G3BP1: variants seen among roughly 807,000 people sequenced by gnomAD.
G3BP1 encodes the protein ras GTPase-activating protein-binding protein 1.
G3BP1 carries 35 observed loss-of-function variants against 58.6 expected under a neutral mutation model. The observed-to-expected ratio is 0.60, with a 90% CI of 0.46 to 0.79. The LOEUF is 0.79. G3BP1 is among the 30% of genes least tolerant of loss of function. G3BP1 has a pLI of 0.00. For synonymous variants in G3BP1, 191 were observed against 195.4 expected, an observed-to-expected ratio of 0.98 and a Z score of 0.19; for missense variants, 523 against 580.8, an observed-to-expected ratio of 0.90 and a Z score of 1.02.
At chr5:151,794,972 A>G (rs1762725033) in intron 5 of G3BP1, among the ~76,000 whole-genome samples, 2 of 152,204 alleles carry the variant, frequency 1.3e-5, no homozygotes, top group African/African-American at 4.8e-5. Flanking sequence ...AAGACACTAC[A>G]GTAGCCTTAA....
chr5:151,793,831 C>CAAAAAAAAA (rs751382380), intron 4 of G3BP1, among the ~76,000 whole-genome samples: 8 of 97,764 alleles, frequency 8.2e-5, no homozygotes, highest in Non-Finnish European at 1.4e-4. Context: ...CGTCTCTACT[C>CAAAAAAAAA]AAAAAAAAAA....
At chr5:151,779,320 A>G (rs961188974) in intron 1 of G3BP1, among the ~76,000 whole-genome samples, 1 of 151,832 alleles carries the variant, frequency 6.6e-6, no homozygotes, top group African/African-American at 2.4e-5. Flanking sequence ...TTTGAGTTAA[A>G]TTTTGTATGT....
At chr5:151,775,577 A>T (rs1225766222) in intron 1 of G3BP1, among the ~76,000 whole-genome samples, 1 of 152,242 alleles carries the variant, frequency 6.6e-6, no homozygotes, top group Non-Finnish European at 1.5e-5. Flanking sequence ...GGCTTCTCCC[A>T]TATGCTGTTT....
chr5:151,786,277 ACT>A (rs369455174), intron 1 of G3BP1, among the ~76,000 whole-genome samples: 18 of 152,236 alleles, frequency 1.2e-4, no homozygotes, highest in African/African-American at 3.6e-4. Flanking sequence ...CAACAGAGAG[ACT>A]CTGTCTCAAA....
chr5:151,795,338 G>C, intron 5 of G3BP1, 141 bp from the exon 6 acceptor site: 1 of 577,982 alleles, frequency 1.7e-6, no homozygotes. Context: ...CTTAAAGTCA[G>C]TGCCATGATT....
intron 1 of G3BP1, among the ~76,000 whole-genome samples, chr5:151,776,449 G>A (rs1031628333): frequency 9.9e-5 from 15 of 152,118 alleles, no homozygotes; most frequent in Non-Finnish European, 1.8e-4. Context: ...GTATATTAAA[G>A]CTACTGTTAT....
chr5:151,794,277 T>C (rs750090398), intron 5 of G3BP1, 28 bp downstream of exon 5: 1 of 1,376,716 alleles, frequency 7.3e-7, no homozygotes, highest in Non-Finnish European at 1.0e-6. Flanking sequence ...TTAAATTACT[T>C]GTCTAAATTT....
intron 7 of G3BP1, 117 bp downstream of exon 7, chr5:151,797,545 A>G: frequency 1.8e-6 from 2 of 1,115,452 alleles, no homozygotes; most frequent in Non-Finnish European, 2.5e-6. Context: ...TTGGTGGTTC[A>G]TTTCAGGGAA....
At chr5:151,780,599 G>A (rs1047280393) in intron 1 of G3BP1, among the ~76,000 whole-genome samples, 62 of 152,206 alleles carry the variant, frequency 4.1e-4, no homozygotes, top group Admixed American at 6.5e-4. Flanking sequence ...CAAGAGCTCC[G>A]CCTCCCGGGT....
At chr5:151,783,705 A>C (rs546711077) in intron 1 of G3BP1, among the ~76,000 whole-genome samples, 217 of 152,050 alleles carry the variant, frequency 1.4e-3, no homozygotes, top group African/African-American at 5.1e-3. Flanking sequence ...ACTGAGAATA[A>C]CAAAATTACT....
chr5:151,797,622 A>C (rs1321251868), intron 7 of G3BP1, among the ~76,000 whole-genome samples, 194 bp downstream of exon 7: 1 of 152,206 alleles, frequency 6.6e-6, no homozygotes, highest in Non-Finnish European at 1.5e-5. Context: ...TTATTTCATC[A>C]AAAGAAACCA....
At position 151,799,929 on chromosome 5, in the gene G3BP1, A is replaced by G; in HGVS notation, c.884A>G (p.Gln295Arg). The G allele has an allele frequency of 6.2e-7, 1 of 1,613,648 alleles. No homozygotes were observed. Among genetic ancestry groups the G allele is most frequent in the Admixed American group, 1.7e-5 (1 of 60,028 alleles). ...ESKPESQIPP[Q>R]RPQRDQRVRE... ...AAGCCTGAATCTCAGATTCCACCAC[A>G]AAGACCTCAGCGGGATCAAAGAGTG... The change falls in exon 9 of 12, where the codon CAA becomes CGA. Residue 295 changes from glutamine (Q) to arginine (R), a missense_variant. Physicochemically the swap from Gln to Arg is conservative, Grantham distance 43 (BLOSUM62 1). Around this residue, in one of 2 missense-constraint regions of G3BP1, gnomAD observed 398 missense variants for 399.1 expected, o/e 1.00. Transcript: ENST00000356245.
rs10036976 is a variant in G3BP1, at chr5:151,794,089, C to G, written c.352-70C>G. The G allele has an allele frequency of 1.5e-3, 1,344 of 889,394 alleles. 12 individuals are homozygous for G. The African/African-American group carries it at 0.02, about 13-fold the overall frequency. 55.1% of individuals were successfully genotyped at this position (889,394 alleles called of 1,614,324 possible). A position where few individuals can be genotyped will look rare whatever the true frequency, so the allele number is the denominator to read the frequency against. On this transcript the variant is annotated intron_variant, in intron 4 of 11. Transcript: ENST00000356245. Reference sequence around the variant, plus strand: ...ATGGAGGCAGACTTGTCCCAGTCACCAATGGTGTAGAGTGATTTGACTTTC... The same window carrying G: ...ATGGAGGCAGACTTGTCCCAGTCACGAATGGTGTAGAGTGATTTGACTTTC...
In G3BP1 at chr5:151,790,486, T is replaced by C. The variant is rs1307990240; in HGVS notation, c.177+82T>C. Reference sequence around the variant, plus strand: ...TTGAAGTGGATCATACTTAATAGATTTGCTGATAAAGATCCAGTTTCTCAA... The same window carrying C: ...TTGAAGTGGATCATACTTAATAGATCTGCTGATAAAGATCCAGTTTCTCAA... On this transcript the variant is annotated intron_variant, in intron 3 of 11. Transcript: ENST00000356245. 3.6e-5 allele frequency: 24 copies of C among 672,712 alleles called. No individual in the cohort carries two copies. In the South Asian group the frequency reaches 5.1e-4, roughly 14 times the overall value. 41.7% of individuals were successfully genotyped at this position (672,712 alleles called of 1,614,324 possible).
intron 1 of G3BP1, among the ~76,000 whole-genome samples, chr5:151,783,136 C>T (rs534838558): frequency 6.6e-6 from 1 of 152,130 alleles, no homozygotes; most frequent in East Asian, 1.9e-4. Context: ...GGGTTACAAG[C>T]GTGAGCCACT....
rs1681922537 is a variant in G3BP1, at chr5:151,809,611, C to T, written c.*5520C>T. 6.6e-6 allele frequency: 1 copy of T among 152,106 alleles called. No homozygotes were observed. Among genetic ancestry groups the T allele is most frequent in the Admixed American group, 6.5e-5 (1 of 15,270 alleles). 9.4% of individuals were successfully genotyped at this position (152,106 alleles called of 1,614,324 possible). ...TTCTTTGAATCATAGAATGTTAGTGCTGGAAAGGACTAGGAAGTGACTTGT... is the reference window on the plus strand; with the variant it reads ...TTCTTTGAATCATAGAATGTTAGTGTTGGAAAGGACTAGGAAGTGACTTGT... On this transcript the variant is annotated 3_prime_UTR_variant, in exon 12 of 12. Transcript: ENST00000356245.
chr5:151,784,919 A>C (rs1371631417), intron 1 of G3BP1, among the ~76,000 whole-genome samples: 1 of 152,198 alleles, frequency 6.6e-6, no homozygotes, highest in Non-Finnish European at 1.5e-5. Flanking sequence ...CTAATGTTGA[A>C]ACTTAACTTC....
At chr5:151,792,132 G>T (rs958045790) in intron 4 of G3BP1, 3 of 456,068 alleles carry the variant, frequency 6.6e-6, no homozygotes, top group Non-Finnish European at 1.3e-5. Context: ...TTATACTTAT[G>T]AAAGGACGAC....
chr5:151,790,380 A>T lies in G3BP1; in HGVS notation c.153A>T (p.Pro51=), dbSNP rs138797846. 18 of 1,584,264 alleles carry T rather than the reference A, an allele frequency of 1.1e-5. No homozygotes were observed. In the African/African-American group the frequency reaches 1.6e-4, roughly 14 times the overall value. ...GGGGATTGGATTCAAATGGAAAGCC[A>T]GCAGATGCAGTCTACGGACAGAAAG... is the stretch of plus-strand genomic sequence containing the variant. ...VHGGLDSNGK[P]ADAVYGQKEI... Residue 51 remains proline, a synonymous_variant, in exon 3 of 12, where the codon CCA becomes CCT. Transcript: ENST00000356245.
Sources: gnomAD v4.1 joint callset for allele counts (sites outside exome capture counted in the v4.1 genomes callset) on GRCh38, gnomAD v4.1.1 for gene constraint, gnomAD v4.1.1 regional missense constraint, MANE v1.5 for transcripts, NCBI Gene and HGNC (gene_info 2026-07-23, HGNC 2026-07-21) for gene names.